The following PLAC8L1 variants were observed in gnomAD, a reference collection of about 807,000 sequenced individuals.
PLAC8L1 encodes the protein PLAC8 like 1, also known as PLAC8-like protein 1.
Under a neutral mutation model 16.3 loss-of-function variants are expected in PLAC8L1, and 13 were observed. That is an observed-to-expected ratio of 0.80 (90% CI 0.52 to 1.27). The LOEUF (loss-of-function observed/expected upper bound fraction) is 1.27, where lower values mean the gene tolerates loss of function less well. Ranked by LOEUF, PLAC8L1 falls within the 50% of genes most tolerant of loss-of-function variation. The pLI is 0.00. For synonymous variants in PLAC8L1, 78 were observed against 79.3 expected (o/e 0.98, Z 0.09); for missense variants, 184 against 220.2 (o/e 0.84, Z 1.04).
chr5:146,104,235 G>C lies in PLAC8L1; in HGVS notation c.77C>G (p.Ser26Ter). ...SLLNIYSPLL[S>*]HMSSEDEHFI... is the part of the protein sequence containing the mutation. Reference sequence around the variant, plus strand: ...ATGTTCATCTTCAGATGACATGTGTGACAACAGAGGTGAGTATATGTTGAG... The same window carrying C: ...ATGTTCATCTTCAGATGACATGTGTCACAACAGAGGTGAGTATATGTTGAG... The change falls in exon 1 of 4, where the codon TCA becomes TGA. Residue 26 changes from serine to a stop codon, truncating the protein, a stop_gained. Transcript: ENST00000311450. LOFTEE classifies it high-confidence loss of function. 6.2e-7 allele frequency: 1 copy of C among 1,613,912 alleles called. No individual in the cohort carries two copies. The highest frequency in any genetic ancestry group is 1.1e-5 in the South Asian group (1 of 91,042).
intron 1 of PLAC8L1, among the ~76,000 whole-genome samples, chr5:146,101,196 C>CAAAAAAA (rs35143616): frequency 1.2e-5 from 1 of 82,176 alleles, no homozygotes; most frequent in African/African-American, 5.4e-5. Context: ...GACCCTGTCT[C>CAAAAAAA]AAAAAAAAAA....
intron 2 of PLAC8L1, among the ~76,000 whole-genome samples, chr5:146,095,631 TA>T (rs1336150779): frequency 6.6e-6 from 1 of 152,228 alleles, no homozygotes; most frequent in Non-Finnish European, 1.5e-5. Context: ...ATTGTAATGA[TA>T]TTTTTTTGAA....
chr5:146,102,040 C>CTTTTTTTTTTTTT (rs36011275), intron 1 of PLAC8L1, among the ~76,000 whole-genome samples: 90 of 130,494 alleles, frequency 6.9e-4, no homozygotes, highest in Non-Finnish European at 1.1e-3. Context: ...TGTGTTTACC[C>CTTTTTTTTTTTTT]TTTTTTTTTT....
Position 146,098,263 on chromosome 5 carries a change from T to C in PLAC8L1, c.149A>G (p.Lys50Arg), listed in dbSNP as rs1580979755. 2 of 1,614,168 alleles carry C rather than the reference T, an allele frequency of 1.2e-6. No homozygotes were observed. The highest frequency in any genetic ancestry group is 1.7e-6 in the Non-Finnish European group (2 of 1,180,016). Residue 50 changes from lysine (K) to arginine (R), a missense_variant, in exon 2 of 4, where the codon AAG becomes AGG. Transcript: ENST00000311450. ...RGHVPASAVVKQPVRGASGRT... is the reference protein window; with the variant it reads ...RGHVPASAVVRQPVRGASGRT... The stretch of plus-strand genomic sequence containing the variant: ...GCCACTGGCTCCCCGAACAGGCTGC[T>C]TCACCACAGCGCTGGCTGGTACATG...
At chr5:146,093,268 A>G (rs1466243503) in intron 2 of PLAC8L1, among the ~76,000 whole-genome samples, 1 of 152,352 alleles carries the variant, frequency 6.6e-6, no homozygotes, top group African/African-American at 2.4e-5. Flanking sequence ...TCTGAAGAGA[A>G]AAACCAGGTG....
chr5:146,100,732 AAT>A (rs1763800410), intron 1 of PLAC8L1, among the ~76,000 whole-genome samples: 1 of 152,158 alleles, frequency 6.6e-6, no homozygotes, highest in Non-Finnish European at 1.5e-5. Flanking sequence ...GGTATATTTT[AAT>A]ATGTTTGTTA....
intron 2 of PLAC8L1, 24 bp downstream of exon 2, chr5:146,098,132 C>T (rs1461597929): frequency 6.3e-7 from 1 of 1,598,780 alleles, no homozygotes; most frequent in Non-Finnish European, 8.5e-7. Context: ...TAAGGAGGAA[C>T]TTAAATAAGG....
chr5:146,104,545 A>C lies in PLAC8L1; in HGVS notation c.-234T>G. 2.6e-6 allele frequency: 1 copy of C among 385,894 alleles called. No homozygotes were observed. Among genetic ancestry groups the C allele is most frequent in the Non-Finnish European group, 4.7e-6 (1 of 210,876 alleles). 23.9% of individuals were successfully genotyped at this position (385,894 alleles called of 1,614,324 possible). On this transcript the variant is annotated 5_prime_UTR_variant, in exon 1 of 4. Coordinates refer to ENST00000311450, the MANE Select transcript of PLAC8L1 (RefSeq NM_001029869.3). ...CTAATCTGTAGGGAGATATTGCTGG[A>C]GTATAGAGTAAATAGAAGAAAAAGA...
At chr5:146,089,890 C>T (rs530608901) in intron 2 of PLAC8L1, among the ~76,000 whole-genome samples, 1 of 152,046 alleles carries the variant, frequency 6.6e-6, no homozygotes, top group East Asian at 1.9e-4. Flanking sequence ...ATGTGCCTGC[C>T]ACCATGCCCG....
intron 2 of PLAC8L1, among the ~76,000 whole-genome samples, chr5:146,093,378 T>A (rs1368100247): frequency 1.3e-5 from 2 of 152,142 alleles, no homozygotes; most frequent in Non-Finnish European, 2.9e-5. Context: ...TACAAAATAA[T>A]TTTTTAAGGT....
chr5:146,089,740 CTT>C (rs35287551), intron 2 of PLAC8L1, among the ~76,000 whole-genome samples: 60 of 136,100 alleles, frequency 4.4e-4, no homozygotes, highest in Admixed American at 9.0e-4. Flanking sequence ...ACTTCTTCTT[CTT>C]TTTTTTTTTT....
Position 146,085,546 on chromosome 5 carries a change from T to C in PLAC8L1, c.308A>G (p.His103Arg). The stretch of plus-strand genomic sequence containing the variant: ...CGGCCAACAAAGACACTCTCCATAA[T>C]GCCTGGCGATGTCACACTCAAGACA... ...PMCLECDIAR[H>R]YGECLCWPLL... The change falls in exon 3 of 4, where the codon CAT becomes CGT. Residue 103 changes from histidine to arginine, a missense_variant. Transcript: ENST00000311450. The C allele has an allele frequency of 6.2e-7, 1 of 1,614,156 alleles. No individual in the cohort carries two copies. Among genetic ancestry groups the C allele is most frequent in the African/African-American group, 1.3e-5 (1 of 75,038 alleles).
At chr5:146,094,872 C>T (rs1252452794) in intron 2 of PLAC8L1, among the ~76,000 whole-genome samples, 3 of 152,186 alleles carry the variant, frequency 2.0e-5, no homozygotes, top group South Asian at 2.1e-4. Context: ...TAATTCTCAG[C>T]GTTTGATGGA....
intron 1 of PLAC8L1, among the ~76,000 whole-genome samples, chr5:146,098,818 C>A (rs991891621): frequency 6.6e-6 from 1 of 152,186 alleles, no homozygotes. Flanking sequence ...TGAGAAGGAA[C>A]TGGACTGAGT....
intron 1 of PLAC8L1, among the ~76,000 whole-genome samples, chr5:146,103,337 T>G (rs1024186636): frequency 6.6e-6 from 1 of 152,124 alleles, no homozygotes; most frequent in Non-Finnish European, 1.5e-5. Context: ...TTCTGTATTT[T>G]TAGTAAAGAC....
chr5:146,096,153 G>T (rs1763715105), intron 2 of PLAC8L1, among the ~76,000 whole-genome samples: 1 of 152,132 alleles, frequency 6.6e-6, no homozygotes, highest in Non-Finnish European at 1.5e-5. Context: ...CCTGGCTTCT[G>T]GGGGTTGCTG....
rs558041885 is a variant in PLAC8L1 at position 146,085,522 on chromosome 5, G to A, written c.332C>T (p.Pro111Leu). ...TGCAAAGGTGGACCCAGGTAACAAC[G>A]GCCAACAAAGACACTCTCCATAATG... is the stretch of plus-strand genomic sequence containing the variant. The part of the protein sequence containing the change: ...ARHYGECLCW[P>L]LLPGSTFALR... The change falls in exon 3 of 4, where the codon CCG (proline) becomes CTG (leucine). Residue 111 changes from proline to leucine, a missense_variant. Transcript: ENST00000311450. 7.4e-6 allele frequency: 12 copies of A among 1,613,954 alleles called. No individual in the cohort carries two copies. Among genetic ancestry groups the A allele is most frequent in the Admixed American group, 5.0e-5 (3 of 60,000 alleles).
At chr5:146,086,587 T>A (rs1763521268) in intron 2 of PLAC8L1, among the ~76,000 whole-genome samples, 1 of 152,232 alleles carries the variant, frequency 6.6e-6, no homozygotes, top group Non-Finnish European at 1.5e-5. Flanking sequence ...ATTCTAAATA[T>A]GTTTTGGGTC....
At chr5:146,092,059 A>G (rs1293483481) in intron 2 of PLAC8L1, among the ~76,000 whole-genome samples, 1 of 152,194 alleles carries the variant, frequency 6.6e-6, no homozygotes, top group Non-Finnish European at 1.5e-5. Flanking sequence ...AATGTTGCTC[A>G]TTATTCATCC....
Sources: gnomAD v4.1 joint callset for allele counts (sites outside exome capture counted in the v4.1 genomes callset) on GRCh38, gnomAD v4.1.1 for gene constraint, MANE v1.5 for transcripts, NCBI Gene and HGNC (gene_info 2026-07-23, HGNC 2026-07-21) for gene names.